SULF2: variants seen among roughly 807,000 people sequenced by gnomAD.
The protein encoded by SULF2 is extracellular sulfatase Sulf-2.
SULF2 carries 52 observed loss-of-function variants against 107.7 expected under a neutral mutation model. The observed-to-expected ratio is 0.48, with a 90% CI of 0.39 to 0.61. The LOEUF (loss-of-function observed/expected upper bound fraction) is 0.61, where lower values mean the gene tolerates loss of function less well. Among genes scored for constraint, SULF2 ranks in the 20% least tolerant of loss-of-function variants. The pLI, the probability that SULF2 is intolerant of heterozygous loss-of-function variation, is 0.00. For missense variants in SULF2, 993 were observed against 1,177.3 expected (o/e 0.84, Z 2.29); for synonymous variants, 460 against 464.3 (o/e 0.99, Z 0.12).
At chr20:47,755,310 G>C (rs2090255494) in intron 2 of SULF2, among the ~76,000 whole-genome samples, 1 of 152,154 alleles carries the variant, frequency 6.6e-6, no homozygotes, top group African/African-American at 2.4e-5. Context: ...CCTTGTATCT[G>C]CATACGCTGT....
chr20:47,779,118 G>C (rs116971383), intron 1 of SULF2, among the ~76,000 whole-genome samples: 4,015 of 152,134 alleles, frequency 0.026, 64 homozygotes, highest in Non-Finnish European at 0.037. Flanking sequence ...CACGCACCAG[G>C]CTGCCTAGTC....
chr20:47,682,914 G>A (rs1323178910), intron 7 of SULF2, 80 bp downstream of exon 7: 13 of 1,407,238 alleles, frequency 9.2e-6, no homozygotes, highest in Non-Finnish European at 1.1e-5. Context: ...CCCAGGGTGG[G>A]CTTGGGTTTG....
At chr20:47,697,817 T>C (rs943575446) in intron 4 of SULF2, among the ~76,000 whole-genome samples, 3 of 152,208 alleles carry the variant, frequency 2.0e-5, no homozygotes, top group African/African-American at 4.8e-5. Context: ...CCGGGATAAC[T>C]TGATTATCGG....
intron 1 of SULF2, among the ~76,000 whole-genome samples, chr20:47,759,918 G>A (rs1191376614): frequency 6.6e-6 from 1 of 152,246 alleles, no homozygotes; most frequent in African/African-American, 2.4e-5. Context: ...TAGGGGGTCA[G>A]CTCCCTGAGG....
chr20:47,741,262 C>G (rs1169847618), intron 2 of SULF2, among the ~76,000 whole-genome samples: 1 of 150,426 alleles, frequency 6.6e-6, no homozygotes, highest in Non-Finnish European at 1.5e-5. Context: ...ATCCCCCTCT[C>G]CGCCCACTCT....
At chr20:47,686,891 G>C (rs1453872729) in intron 5 of SULF2, among the ~76,000 whole-genome samples, 1 of 152,126 alleles carries the variant, frequency 6.6e-6, no homozygotes, top group Non-Finnish European at 1.5e-5. Flanking sequence ...AGGCTCTCCT[G>C]TGGGCTGGCT....
At chr20:47,759,754 C>T (rs1157210566) in intron 1 of SULF2, among the ~76,000 whole-genome samples, 1 of 152,240 alleles carries the variant, frequency 6.6e-6, no homozygotes, top group Non-Finnish European at 1.5e-5. Context: ...GTCAAAAGAA[C>T]AAACGTCATC....
At chr20:47,688,319 C>T (rs1009777497) in intron 5 of SULF2, among the ~76,000 whole-genome samples, 1 of 152,174 alleles carries the variant, frequency 6.6e-6, no homozygotes. Context: ...GATGAGACAG[C>T]CTTCCAAACA....
chr20:47,673,069 G>A (rs2087529280), intron 10 of SULF2, among the ~76,000 whole-genome samples: 1 of 152,184 alleles, frequency 6.6e-6, no homozygotes, highest in Non-Finnish European at 1.5e-5. Context: ...GACGCTGAAT[G>A]TAGATAGAAT....
intron 3 of SULF2, among the ~76,000 whole-genome samples, chr20:47,715,237 G>A (rs999874863): frequency 4.6e-5 from 7 of 151,564 alleles, no homozygotes; most frequent in Non-Finnish European, 8.8e-5. Flanking sequence ...AGCCTCAAAT[G>A]TTAACTTACT....
At chr20:47,722,255 T>C (rs1278199740) in intron 3 of SULF2, among the ~76,000 whole-genome samples, 3 of 152,200 alleles carry the variant, frequency 2.0e-5, no homozygotes, top group African/African-American at 7.2e-5. Flanking sequence ...CCAAGAGTTC[T>C]CCATCTGTTC....
At chr20:47,661,449 C>A in intron 18 of SULF2, 1 of 190,348 alleles carries the variant, frequency 5.3e-6, no homozygotes. Flanking sequence ...AGGATGGGGT[C>A]ATCTTTAGTC....
chr20:47,690,106 G>A lies in SULF2; in HGVS notation c.737+20C>T, dbSNP rs771765544. ...TTCATGCTAAGCAGTGCCTCTGGCA[G>A]GCAGAGTGCTGAGGCTTACATGTGC... On this transcript the variant is annotated intron_variant, in intron 5 of 20. Transcript: ENST00000688720. 2 of 1,396,746 alleles carry A rather than the reference G, an allele frequency of 1.4e-6. No individual in the cohort carries two copies. Among genetic ancestry groups the A allele is most frequent in the East Asian group, 2.7e-5 (1 of 37,636 alleles). 86.5% of individuals were successfully genotyped at this position (1,396,746 alleles called of 1,614,324 possible).
intron 1 of SULF2, among the ~76,000 whole-genome samples, chr20:47,773,933 T>C (rs1190972168): frequency 6.6e-6 from 1 of 152,278 alleles, no homozygotes; most frequent in African/African-American, 2.4e-5. Flanking sequence ...AAAGGTATTT[T>C]GACGGCTTGG....
chr20:47,670,952 C>T (rs764730076), intron 11 of SULF2, among the ~76,000 whole-genome samples: 1 of 152,070 alleles, frequency 6.6e-6, no homozygotes, highest in Non-Finnish European at 1.5e-5. Context: ...AAATGGGCTA[C>T]GTGGGAAGCT....
In SULF2 at chr20:47,666,386, C is replaced by T. The variant is rs763594694; in HGVS notation, c.1679G>A (p.Arg560Gln). The T allele has an allele frequency of 1.1e-5, 17 of 1,613,880 alleles. No homozygotes were observed. The highest frequency in any genetic ancestry group is 8.9e-5 in the East Asian group (4 of 44,892). Residue 560 changes from arginine to glutamine, a missense_variant, in exon 12 of 21, where the codon CGA becomes CAA. Physicochemically the swap from Arg to Gln is conservative, Grantham distance 43. Around this residue, in one of 3 missense-constraint regions of SULF2, gnomAD observed 497 missense variants for 544.1 expected, o/e 0.91. Coordinates refer to ENST00000688720, the MANE Select transcript of SULF2 (RefSeq NM_001387048.1). This position sits in a 1 kb window ranked among gnomAD's most constrained non-coding sequence, Gnocchi z 5.4. Reference sequence around the variant, plus strand: ...TGGCCAGTGCCGCTTGGTGAGGTTTCGGGGCTGGGCGGCATCACCCAGGCC... The same window carrying T: ...TGGCCAGTGCCGCTTGGTGAGGTTTTGGGGCTGGGCGGCATCACCCAGGCC... ...HVGLGDAAQP[R>Q]NLTKRHWPGA...
chr20:47,686,491 C>G (rs977029421), intron 5 of SULF2, among the ~76,000 whole-genome samples: 15 of 152,190 alleles, frequency 9.9e-5, no homozygotes, highest in African/African-American at 3.6e-4. Context: ...AGGCCAGGTT[C>G]CCTGCAAATC....
chr20:47,768,880 G>A (rs1293169108), intron 1 of SULF2, among the ~76,000 whole-genome samples: 9 of 115,264 alleles, frequency 7.8e-5, no homozygotes, highest in African/African-American at 1.8e-4. Flanking sequence ...GTTTGTGTGC[G>A]TGTTTTTTTT....
Position 47,678,473 on chromosome 20 carries a change from C to T in SULF2, c.1193+203G>A. ...GAAGGTCCCCAACTGGTCACCTTGGCCACATTCCAGATGGGAAGACAGAAT... is the reference window on the plus strand; with the variant it reads ...GAAGGTCCCCAACTGGTCACCTTGGTCACATTCCAGATGGGAAGACAGAAT... On this transcript the variant is annotated intron_variant, in intron 8 of 20. Transcript: ENST00000688720. The surrounding 1 kb of genome is among the most constrained non-coding windows in gnomAD (Gnocchi z 4.5). 3 of 620,358 alleles carry T rather than the reference C, an allele frequency of 4.8e-6. No homozygotes were observed. The highest frequency in any genetic ancestry group is 2.0e-5 in the South Asian group (1 of 50,334). The allele number at this position is 620,358 out of a possible 1,614,324, so 38.4% of individuals were successfully genotyped here. A position where few individuals can be genotyped will look rare whatever the true frequency, so the allele number is the denominator to read the frequency against.
Sources: allele counts gnomAD v4.1 joint callset (sites outside exome capture counted in the v4.1 genomes callset), GRCh38; gene constraint gnomAD v4.1.1; regional missense constraint gnomAD v4.1.1; non-coding constraint Gnocchi (gnomAD v3.1); transcripts MANE v1.5; gene names NCBI Gene and HGNC (gene_info 2026-07-23, HGNC 2026-07-21).